The following POT1 variants were observed in gnomAD, a reference collection of about 807,000 sequenced individuals.
POT1 encodes the protein protection of telomeres protein 1.
Under a neutral mutation model 78.5 loss-of-function variants are expected in POT1, and 47 were observed. The ratio of observed to expected loss-of-function variants is 0.60; its 90% confidence interval spans 0.47 to 0.76. The LOEUF (loss-of-function observed/expected upper bound fraction) is 0.76. Among genes scored for constraint, POT1 ranks in the 30% least tolerant of loss-of-function variants. The pLI is 0.00. For missense variants in POT1, 646 were observed against 749.9 expected (o/e 0.86, Z 1.62); for synonymous variants, 259 against 260.7 (o/e 0.99, Z 0.06).
intron 7 of POT1, among the ~76,000 whole-genome samples, chr7:124,870,076 A>C (rs1302797272): frequency 6.6e-6 from 1 of 152,154 alleles, no homozygotes; most frequent in Non-Finnish European, 1.5e-5. Flanking sequence ...AAGACAACCA[A>C]GATGATGAAG....
intron 9 of POT1, chr7:124,858,673 T>C: frequency 5.0e-6 from 1 of 201,472 alleles, no homozygotes; most frequent in East Asian, 1.1e-4. Context: ...TCTAAAGCAG[T>C]ATTATCTCAC....
At chr7:124,881,230 T>C (rs1326480436) in intron 6 of POT1, among the ~76,000 whole-genome samples, 1 of 151,968 alleles carries the variant, frequency 6.6e-6, no homozygotes, top group East Asian at 1.9e-4. Flanking sequence ...GCATCATTAC[T>C]ACACATCAGT....
At chr7:124,839,610 TA>T (rs2116456990) in intron 14 of POT1, among the ~76,000 whole-genome samples, 1 of 152,302 alleles carries the variant, frequency 6.6e-6, no homozygotes, top group Non-Finnish European at 1.5e-5. Flanking sequence ...CTTAGAAACA[TA>T]AAATAAAAAT....
intron 12 of POT1, among the ~76,000 whole-genome samples, chr7:124,846,716 T>C (rs1795176628): frequency 6.7e-6 from 1 of 149,934 alleles, no homozygotes; most frequent in Admixed American, 6.7e-5. Flanking sequence ...TTAAGTCTGT[T>C]AGAGATAGAT....
At chr7:124,850,890 G>T (rs1204463967) in intron 11 of POT1, among the ~76,000 whole-genome samples, 1 of 147,378 alleles carries the variant, frequency 6.8e-6, no homozygotes, top group Admixed American at 6.9e-5. Flanking sequence ...ATCATAGCAG[G>T]GTAGGAGTTA....
chr7:124,920,541 T>C (rs1401013037), intron 2 of POT1, among the ~76,000 whole-genome samples: 1 of 152,126 alleles, frequency 6.6e-6, no homozygotes. Flanking sequence ...AAAAACAGAA[T>C]GTAGCACTAA....
rs534595242 is a variant in POT1, at chr7:124,850,059, T to A, written c.949+1813A>T. On this transcript the variant is annotated intron_variant, in intron 11 of 18. Transcript: ENST00000357628. ...TACAGTGTACTTTAAAAATAATGAA[T>A]CATTTTAAAAGGAAAAAGAGATTTA... Among the ~76,000 whole-genome samples, 7 of 146,410 alleles carry A rather than the reference T, an allele frequency of 4.8e-5. No homozygotes were observed. In the South Asian group the frequency reaches 1.5e-3, roughly 32 times the overall value.
intron 10 of POT1, among the ~76,000 whole-genome samples, chr7:124,852,688 T>C (rs891946242): frequency 3.3e-5 from 5 of 152,098 alleles, no homozygotes; most frequent in South Asian, 2.1e-4. Flanking sequence ...TAGTTTCCCC[T>C]GTTTGTTGCT....
chr7:124,839,231 T>C (rs547094212), intron 14 of POT1, among the ~76,000 whole-genome samples: 1 of 152,082 alleles, frequency 6.6e-6, no homozygotes, highest in Admixed American at 6.5e-5. Flanking sequence ...AAACTGGACA[T>C]CTGCATGCAA....
intron 15 of POT1, among the ~76,000 whole-genome samples, chr7:124,833,004 C>T (rs1261220627): frequency 1.3e-5 from 2 of 151,582 alleles, no homozygotes; most frequent in Non-Finnish European, 2.9e-5. Context: ...AGCAAGTGAG[C>T]GAGGATGAGC....
intron 14 of POT1, among the ~76,000 whole-genome samples, chr7:124,839,621 T>C (rs1248881039): frequency 6.6e-6 from 1 of 152,172 alleles, no homozygotes; most frequent in Admixed American, 6.5e-5. Context: ...AAAATAAAAA[T>C]AGCTCACATT....
chr7:124,897,322 C>A, intron 4 of POT1, 110 bp from the exon 5 acceptor site: 1 of 389,846 alleles, frequency 2.6e-6, no homozygotes, highest in South Asian at 7.7e-5. Flanking sequence ...TTCAAATTCA[C>A]TAGGATGACA....
chr7:124,830,122 G>A (rs746183337), intron 15 of POT1, among the ~76,000 whole-genome samples: 4 of 152,034 alleles, frequency 2.6e-5, no homozygotes, highest in Non-Finnish European at 4.4e-5. Flanking sequence ...CATATCCAGA[G>A]GTTTGTAGTT....
intron 14 of POT1, among the ~76,000 whole-genome samples, chr7:124,836,177 T>A (rs894447229): frequency 5.3e-5 from 8 of 152,210 alleles, no homozygotes; most frequent in African/African-American, 1.9e-4. Context: ...ATAACAGCAG[T>A]AAGAATATTG....
In POT1 at chr7:124,853,010, G is replaced by A; in HGVS notation, c.831C>T (p.Val277=). Residue 277 remains valine, a synonymous_variant, in exon 10 of 19, where the codon GTC becomes GTT. Transcript: ENST00000357628. ...CCACATCAGAGTTACTTTCTGGCAA[G>A]ACCCTGATTCCCCGACCGTAACTGG... ...GGTSYGRGIR[V]LPESNSDVDQ... is the part of the protein sequence containing the mutation. The A allele has an allele frequency of 1.2e-6, 2 of 1,613,388 alleles. No individual in the cohort carries two copies. Among genetic ancestry groups the A allele is most frequent in the Non-Finnish European group, 1.7e-6 (2 of 1,179,548 alleles).
At chr7:124,826,478 G>C (rs865845330) in intron 17 of POT1, among the ~76,000 whole-genome samples, 21 of 152,208 alleles carry the variant, frequency 1.4e-4, no homozygotes, top group Non-Finnish European at 2.5e-4. Context: ...TGTCAGAAAT[G>C]AGGAAGGTTT....
chr7:124,856,758 T>C (rs1562989685), intron 9 of POT1, among the ~76,000 whole-genome samples: 2 of 152,218 alleles, frequency 1.3e-5, no homozygotes, highest in African/African-American at 4.8e-5. Context: ...CTGAGGTGAA[T>C]CTAAAATGTA....
At chr7:124,851,819 A>T in intron 11 of POT1, 53 bp downstream of exon 11, 4 of 1,222,544 alleles carry the variant, frequency 3.3e-6, no homozygotes, top group Non-Finnish European at 4.8e-6. Flanking sequence ...TATGTTGATA[A>T]AACTATTTTA....
intron 6 of POT1, among the ~76,000 whole-genome samples, chr7:124,882,067 G>A (rs937225093): frequency 4.0e-5 from 6 of 151,888 alleles, no homozygotes; most frequent in African/African-American, 7.2e-5. Context: ...GCAATTCAAC[G>A]AATTGACTCA....
Sources: allele counts gnomAD v4.1 joint callset (sites outside exome capture counted in the v4.1 genomes callset), GRCh38; gene constraint gnomAD v4.1.1; transcripts MANE v1.5; gene names NCBI Gene and HGNC (gene_info 2026-07-23, HGNC 2026-07-21).